The following PDZD2 variants were observed in gnomAD, a reference collection of about 807,000 sequenced individuals.
PDZD2 encodes the protein PDZ domain containing 2.
A neutral mutation model predicts 220.7 loss-of-function variants in PDZD2; 90 were observed. That is an observed-to-expected ratio of 0.41 (90% CI 0.34 to 0.49). The LOEUF is 0.49. PDZD2 is among the 20% of genes least tolerant of loss of function. The pLI, the probability that PDZD2 is intolerant of heterozygous loss-of-function variation, is 0.28. For missense variants in PDZD2, 3,174 were observed against 3,608.5 expected, an observed-to-expected ratio of 0.88 and a Z score of 3.08; for synonymous variants, 1,375 against 1,450.5, an observed-to-expected ratio of 0.95 and a Z score of 1.18.
chr5:31,919,874 A>G (rs960613629), intron 2 of PDZD2, among the ~76,000 whole-genome samples: 21 of 138,430 alleles, frequency 1.5e-4, no homozygotes, highest in Middle Eastern at 3.7e-3. Context: ...TTTTTTATGA[A>G]CCAGGCGTGG....
rs984097239 is a variant in PDZD2, at chr5:31,898,744, C to T, written c.477-84411C>T. On this transcript the variant is annotated intron_variant, in intron 2 of 24. Transcript: ENST00000438447. ...GCAGTTTCCTTCAAATATGTGGGAA[C>T]TCACCAGACAGGTCATCCAGGACGG... Among the ~76,000 whole-genome samples, 4 of 151,456 alleles carry T rather than the reference C, an allele frequency of 2.6e-5. No homozygotes were observed. In the East Asian group the frequency reaches 7.8e-4, roughly 29 times the overall value.
chr5:31,644,094 A>G (rs1006370067), intron 1 of PDZD2, among the ~76,000 whole-genome samples: 5 of 152,198 alleles, frequency 3.3e-5, no homozygotes, highest in Admixed American at 1.3e-4. Flanking sequence ...CAGCCTCCCA[A>G]AGTGCTGGGA....
chr5:32,056,893 C>T lies in PDZD2; in HGVS notation c.1901-762C>T, dbSNP rs187996700. ...TCACTCAAGGCCAGGAGTTCAAGAC[C>T]AGCCTGGCCAACATGGTGAAACCCT... On this transcript the variant is annotated intron_variant, in intron 10 of 24. Coordinates refer to ENST00000438447, the MANE Select transcript of PDZD2 (RefSeq NM_178140.4). Among the ~76,000 whole-genome samples, 268 of 152,164 alleles carry T rather than the reference C, an allele frequency of 1.8e-3. 1 individual carries two copies. The highest frequency in any genetic ancestry group is 0.016 in the Admixed American group (242 of 15,280).
Position 32,089,859 on chromosome 5 carries a change from A to G in PDZD2, c.6411A>G (p.Ala2137=), listed in dbSNP as rs1265385803. 6.2e-7 allele frequency: 1 copy of G among 1,613,064 alleles called. No homozygotes were observed. The highest frequency in any genetic ancestry group is 8.5e-7 in the Non-Finnish European group (1 of 1,179,338). Residue 2137 remains alanine, a synonymous_variant, in exon 20 of 25, where the codon GCA becomes GCG. Transcript: ENST00000438447. ...KSEIRLYRQV[A]ESSTSHPSSL... Reference sequence around the variant, plus strand: ...AAATCAGGCTCTATCGCCAGGTCGCAGAATCATCCACAAGTCATCCATCCT... The same window carrying G: ...AAATCAGGCTCTATCGCCAGGTCGCGGAATCATCCACAAGTCATCCATCCT...
chr5:31,824,353 A>G (rs1360524861), intron 2 of PDZD2, among the ~76,000 whole-genome samples: 1 of 150,984 alleles, frequency 6.6e-6, no homozygotes, highest in Non-Finnish European at 1.5e-5. Context: ...GAAAACAAAT[A>G]TAATGGCAAC....
At chr5:32,007,484 T>G (rs1290277056) in intron 5 of PDZD2, among the ~76,000 whole-genome samples, 1 of 152,000 alleles carries the variant, frequency 6.6e-6, no homozygotes, top group Admixed American at 6.6e-5. Flanking sequence ...TTTCCTTAGA[T>G]AAGGCCTAAC....
chr5:31,917,738 G>GT (rs1348377574), intron 2 of PDZD2, among the ~76,000 whole-genome samples: 1 of 151,752 alleles, frequency 6.6e-6, no homozygotes, highest in African/African-American at 2.4e-5. Flanking sequence ...CAGGCTTCTG[G>GT]TTTTTTTATT....
At chr5:31,900,429 C>T (rs142435578) in intron 2 of PDZD2, among the ~76,000 whole-genome samples, 1 of 152,308 alleles carries the variant, frequency 6.6e-6, no homozygotes, top group Non-Finnish European at 1.5e-5. Flanking sequence ...CCTTCCTTAC[C>T]TGAAGGGGAT....
At chr5:32,036,235 C>T (rs781008625) in intron 6 of PDZD2, among the ~76,000 whole-genome samples, 1 of 152,188 alleles carries the variant, frequency 6.6e-6, no homozygotes, top group Non-Finnish European at 1.5e-5. Flanking sequence ...GGGCATGAGC[C>T]ACTGCACCCG....
rs767371764 is a variant in PDZD2 at position 32,074,491 on chromosome 5, A to G, written c.3385A>G (p.Lys1129Glu). The G allele has an allele frequency of 1.1e-5, 18 of 1,614,098 alleles. No homozygotes were observed. The highest frequency in any genetic ancestry group is 4.0e-5 in the African/African-American group (3 of 74,946). Residue 1129 changes from lysine (K) to glutamate (E), a missense_variant, in exon 18 of 25, where the codon AAG becomes GAG. Transcript: ENST00000438447. ...RPVARVSPHC[K>E]RSEAEAKPSG... ...AGTGGCCAGGGTAAGCCCCCACTGC[A>G]AGAGATCCGAGGCTGAGGCCAAGCC...
chr5:32,068,216 G>A (rs1740399668), intron 14 of PDZD2, among the ~76,000 whole-genome samples: 1 of 152,112 alleles, frequency 6.6e-6, no homozygotes, highest in African/African-American at 2.4e-5. Flanking sequence ...GGTTTGGATT[G>A]GCCTGGTTTC....
In PDZD2 at chr5:32,100,916, C is replaced by T. The variant is rs775074603; in HGVS notation, c.8219-189C>T. ...CAGCAACACAGCCAGGAGGGCAGCCCCAGAATTGGGAGGCCAACAGTGCTA... is the reference window on the plus strand; with the variant it reads ...CAGCAACACAGCCAGGAGGGCAGCCTCAGAATTGGGAGGCCAACAGTGCTA... On this transcript the variant is annotated intron_variant, in intron 23 of 24. Transcript: ENST00000438447. 8.8e-6 allele frequency: 14 copies of T among 1,594,058 alleles called. No individual in the cohort carries two copies. The South Asian group carries it at 1.6e-4, about 18-fold the overall frequency.
intron 2 of PDZD2, among the ~76,000 whole-genome samples, chr5:31,941,546 T>G (rs1324744599): frequency 6.6e-6 from 1 of 152,232 alleles, no homozygotes; most frequent in Non-Finnish European, 1.5e-5. Flanking sequence ...TTTTACAGGC[T>G]AGAACTTGCT....
intron 2 of PDZD2, among the ~76,000 whole-genome samples, chr5:31,930,196 CTTTT>C (rs760145512): frequency 2.9e-3 from 300 of 102,462 alleles, no homozygotes; most frequent in African/African-American, 0.011. Flanking sequence ...CTCAGGTATT[CTTTT>C]TTTTTTTTTT....
intron 1 of PDZD2, among the ~76,000 whole-genome samples, chr5:31,736,307 C>A (rs1252243034): frequency 6.6e-6 from 1 of 152,132 alleles, no homozygotes; most frequent in Non-Finnish European, 1.5e-5. Context: ...GTGGGTGCTA[C>A]GGCAGTGTAT....
intron 5 of PDZD2, among the ~76,000 whole-genome samples, chr5:32,008,077 G>T (rs960306733): frequency 6.6e-6 from 1 of 150,640 alleles, no homozygotes; most frequent in African/African-American, 2.4e-5. Flanking sequence ...ACTACTTGAG[G>T]CCAGGAGTTC....
intron 24 of PDZD2, among the ~76,000 whole-genome samples, chr5:32,102,142 A>G (rs1328093892): frequency 6.6e-6 from 1 of 151,614 alleles, no homozygotes; most frequent in Non-Finnish European, 1.5e-5. Flanking sequence ...GTATAGTTAC[A>G]CTTAAAAAAA....
rs140570238 is a variant in PDZD2, at chr5:31,887,876, G to A, written c.476+88152G>A. Among the ~76,000 whole-genome samples, 1,371 of 151,884 alleles carry A rather than the reference G, an allele frequency of 9.0e-3. 9 individuals are homozygous for A. The highest frequency in any genetic ancestry group is 0.016 in the Admixed American group (248 of 15,248). On this transcript the variant is annotated intron_variant, in intron 2 of 24. Transcript: ENST00000438447. The stretch of plus-strand genomic sequence containing the variant: ...GGAAAAATAAAATGGATTGGTCTGT[G>A]GGGGGACAGTTACACATAGCTTTGA...
At chr5:31,899,696 G>T (rs1741909005) in intron 2 of PDZD2, among the ~76,000 whole-genome samples, 1 of 152,210 alleles carries the variant, frequency 6.6e-6, no homozygotes, top group Non-Finnish European at 1.5e-5. Flanking sequence ...CCCTCAAGGT[G>T]GTGGTATTGG....
Sources: allele counts gnomAD v4.1 joint callset (sites outside exome capture counted in the v4.1 genomes callset), GRCh38; gene constraint gnomAD v4.1.1; transcripts MANE v1.5; gene names NCBI Gene and HGNC (gene_info 2026-07-23, HGNC 2026-07-21).